Variants in VWA8 observed in about 807,000 individuals in gnomAD.
VWA8 encodes von Willebrand factor A domain containing 8.
In VWA8, 221 loss-of-function variants were observed where a neutral mutation model predicts 241.5. The observed-to-expected ratio is 0.91, with a 90% CI of 0.82 to 1.02. The LOEUF is 1.02. Among genes scored for constraint, VWA8 ranks in the 50% least tolerant of loss-of-function variants. The pLI is 0.00. For missense variants in VWA8, 2,322 were observed against 2,328.7 expected (o/e 1.00, Z 0.06); for synonymous variants, 852 against 827.1 (o/e 1.03, Z -0.52).
At chr13:41,817,302 T>G (rs1297188625) in intron 15 of VWA8, among the ~76,000 whole-genome samples, 3 of 152,214 alleles carry the variant, frequency 2.0e-5, no homozygotes, top group Non-Finnish European at 4.4e-5. Context: ...TTGAGGGGTA[T>G]GATCAACATA....
intron 28 of VWA8, 144 bp downstream of exon 28, chr13:41,701,248 C>A: frequency 9.5e-7 from 1 of 1,055,046 alleles, no homozygotes; most frequent in Admixed American, 3.5e-5. Context: ...GAAATTAGTT[C>A]TAAATTACAT....
intron 21 of VWA8, among the ~76,000 whole-genome samples, chr13:41,735,885 G>A (rs938999852): frequency 6.6e-6 from 1 of 152,060 alleles, no homozygotes; most frequent in South Asian, 2.1e-4. Context: ...TTCAGAGGGT[G>A]CTTGATTAAA....
rs1221050741 is a variant in VWA8, at chr13:41,701,436, GGTATTCTCCA to G, written c.3310_3319del (p.Trp1104HisfsTer7). On this transcript the variant is annotated frameshift_variant, in exon 28 of 45. Transcript: ENST00000379310. LOFTEE classifies it high-confidence loss of function. ...ACAGATTATATTAATTTCATCCAATGGTATTCTCCATGAGGCACATTCTTCAGTAAAGTTT... is the reference window on the plus strand; with the variant it reads ...ACAGATTATATTAATTTCATCCAATGTGAGGCACATTCTTCAGTAAAGTTT... The G allele has an allele frequency of 5.6e-6, 9 of 1,610,438 alleles. No homozygotes were observed. The Admixed American group carries it at 1.5e-4, about 27-fold the overall frequency.
Position 41,729,452 on chromosome 13 carries a change from G to A in VWA8, c.2638+90C>T, listed in dbSNP as rs140960645. The A allele has an allele frequency of 7.3e-5, 94 of 1,290,420 alleles. No homozygotes were observed. In the African/African-American group the frequency reaches 1.4e-3, roughly 19 times the overall value. The allele number at this position is 1,290,420 out of a possible 1,614,324, so 79.9% of individuals were successfully genotyped here. On this transcript the variant is annotated intron_variant, in intron 23 of 44. Transcript: ENST00000379310. ...TCATATTGAACTTATGCTTATTATT[G>A]TAAATAAGTAGGCAGCTAAGTTTGT...
At chr13:41,702,177 A>G (rs1299569103) in intron 27 of VWA8, among the ~76,000 whole-genome samples, 1 of 152,206 alleles carries the variant, frequency 6.6e-6, no homozygotes, top group East Asian at 1.9e-4. Flanking sequence ...TCTTGAAAGA[A>G]TGCTATAAAT....
chr13:41,672,308 T>C lies in VWA8; in HGVS notation c.4410-1161A>G, dbSNP rs150231644. Among the ~76,000 whole-genome samples, 256 of 152,332 alleles carry C rather than the reference T, an allele frequency of 1.7e-3. 1 individual carries two copies. Among genetic ancestry groups the C allele is most frequent in the African/African-American group, 5.9e-3 (246 of 41,570 alleles). On this transcript the variant is annotated intron_variant, in intron 36 of 44. Transcript: ENST00000379310. ...TGACATCTGTATATGTGTGTATATATATATGTATGTATAGTAATTTCTAGG... is the reference window on the plus strand; with the variant it reads ...TGACATCTGTATATGTGTGTATATACATATGTATGTATAGTAATTTCTAGG...
chr13:41,635,464 C>T (rs909114035), intron 37 of VWA8, among the ~76,000 whole-genome samples: 4 of 152,152 alleles, frequency 2.6e-5, no homozygotes, highest in African/African-American at 9.7e-5. Flanking sequence ...TATGTCCATA[C>T]GTAATTAAGA....
intron 17 of VWA8, among the ~76,000 whole-genome samples, chr13:41,809,760 C>T (rs1330249626): frequency 6.6e-6 from 1 of 152,088 alleles, no homozygotes; most frequent in African/African-American, 2.4e-5. Context: ...AATAGGATCA[C>T]ATTGAGTTAA....
intron 17 of VWA8, among the ~76,000 whole-genome samples, chr13:41,810,196 T>C (rs564787318): frequency 2.2e-4 from 33 of 151,842 alleles, no homozygotes; most frequent in African/African-American, 7.7e-4. Flanking sequence ...ATGGAGTTCC[T>C]CAAAAAAAGA....
intron 17 of VWA8, among the ~76,000 whole-genome samples, chr13:41,798,770 C>T (rs925487487): frequency 6.6e-6 from 1 of 152,144 alleles, no homozygotes; most frequent in African/African-American, 2.4e-5. Context: ...TCCTATTAGA[C>T]ATATGTTGGA....
At chr13:41,901,317 G>T (rs1875414385) in intron 4 of VWA8, among the ~76,000 whole-genome samples, 1 of 151,916 alleles carries the variant, frequency 6.6e-6, no homozygotes. Context: ...TATGGTAAAA[G>T]AACTTGAGCT....
At chr13:41,619,425 T>A (rs1245741031) in intron 37 of VWA8, among the ~76,000 whole-genome samples, 1 of 152,182 alleles carries the variant, frequency 6.6e-6, no homozygotes, top group East Asian at 1.9e-4. Context: ...ACAGGGACAA[T>A]TTGACTTCCT....
At chr13:41,718,198 T>C (rs1400168317) in intron 26 of VWA8, among the ~76,000 whole-genome samples, 1 of 152,026 alleles carries the variant, frequency 6.6e-6, no homozygotes, top group Non-Finnish European at 1.5e-5. Context: ...TATATAAATT[T>C]GTTAATGGTA....
intron 9 of VWA8, among the ~76,000 whole-genome samples, chr13:41,872,753 T>C (rs868475209): frequency 0.013 from 2,000 of 152,254 alleles, 23 homozygotes; most frequent in Middle Eastern, 0.048. Context: ...TGCCTCCAGC[T>C]TTGTTCTTTT....
At chr13:41,688,989 TA>T in intron 34 of VWA8, among the ~76,000 whole-genome samples, 1 of 152,038 alleles carries the variant, frequency 6.6e-6, no homozygotes, top group Non-Finnish European at 1.5e-5. Context: ...AGTTAATAAA[TA>T]AATATATAGA....
intron 10 of VWA8, among the ~76,000 whole-genome samples, chr13:41,867,591 A>C (rs1235142455): frequency 6.6e-6 from 1 of 152,250 alleles, no homozygotes; most frequent in African/African-American, 2.4e-5. Context: ...GCAGAGACAA[A>C]TACAGTAAAT....
chr13:41,729,794 C>T (rs67369169), intron 22 of VWA8, 117 bp from the exon 23 acceptor site: 162,858 of 655,402 alleles, frequency 0.25, 21,919 homozygotes, highest in East Asian at 0.36. Context: ...CAAGTATACA[C>T]GTAGACACAC....
rs56676908 is a variant in VWA8 at position 41,741,164 on chromosome 13, T to C, written c.2427-9009A>G. On this transcript the variant is annotated intron_variant, in intron 21 of 44. Coordinates refer to ENST00000379310, the MANE Select transcript of VWA8 (RefSeq NM_015058.2). ...TCTCACCAGCAACTATAGATAAACATGAAGACTGGCCTTTTTAGCACTTGT... is the reference window on the plus strand; with the variant it reads ...TCTCACCAGCAACTATAGATAAACACGAAGACTGGCCTTTTTAGCACTTGT... Among the ~76,000 whole-genome samples the C allele has an allele frequency of 9.2e-3, 1,406 of 152,310 alleles. 32 individuals are homozygous for C. Among genetic ancestry groups the C allele is most frequent in the African/African-American group, 0.03 (1,263 of 41,568 alleles).
intron 37 of VWA8, among the ~76,000 whole-genome samples, chr13:41,650,794 G>A (rs967848808): frequency 6.6e-6 from 1 of 152,188 alleles, no homozygotes; most frequent in Non-Finnish European, 1.5e-5. Flanking sequence ...TGCCGAGGAG[G>A]GAGGGATGTG....
Sources: gnomAD v4.1 joint callset for allele counts (sites outside exome capture counted in the v4.1 genomes callset) on GRCh38, gnomAD v4.1.1 for gene constraint, MANE v1.5 for transcripts, NCBI Gene and HGNC (gene_info 2026-07-23, HGNC 2026-07-21) for gene names.